Variants in ZFAT observed in about 807,000 individuals in gnomAD.
ZFAT encodes zinc finger and AT-hook domain containing, also known as zinc finger protein ZFAT.
ZFAT carries 64 observed loss-of-function variants against 117.7 expected under a neutral mutation model. The observed-to-expected ratio is 0.54, with a 90% CI of 0.44 to 0.67. The LOEUF (loss-of-function observed/expected upper bound fraction) is 0.67. ZFAT is among the 30% of genes least tolerant of loss of function. The pLI is 0.00. For synonymous variants in ZFAT, 679 were observed against 615.0 expected, an observed-to-expected ratio of 1.10 and a Z score of -1.54; for missense variants, 1,433 against 1,584.5, an observed-to-expected ratio of 0.90 and a Z score of 1.62.
intron 15 of ZFAT, among the ~76,000 whole-genome samples, chr8:134,485,184 C>A (rs534100821): frequency 1.2e-4 from 18 of 152,152 alleles, no homozygotes; most frequent in African/African-American, 3.4e-4. Flanking sequence ...CCCTGGGGGG[C>A]TCTGCCCACC....
chr8:134,651,185 T>C (rs1228182363), intron 2 of ZFAT, among the ~76,000 whole-genome samples: 2 of 152,130 alleles, frequency 1.3e-5, no homozygotes, highest in Admixed American at 1.3e-4. Flanking sequence ...CCTTGGTATA[T>C]ATCCAAGAGA....
At chr8:134,565,043 TC>T (rs1438766495) in intron 11 of ZFAT, 3 of 1,382,138 alleles carry the variant, frequency 2.2e-6, no homozygotes, top group Non-Finnish European at 2.9e-6. Context: ...CTGCAAGCCT[TC>T]CTCTAAATCA....
intron 11 of ZFAT, among the ~76,000 whole-genome samples, chr8:134,546,718 T>A (rs1563832630): frequency 6.6e-6 from 1 of 152,196 alleles, no homozygotes; most frequent in Admixed American, 6.5e-5. Context: ...AACCCCTAAT[T>A]GGCAGGGGTT....
At position 134,520,804 on chromosome 8, in the gene ZFAT, G is replaced by A. The variant is rs900477840; in HGVS notation, c.3234+79C>T. 1.9e-4 allele frequency: 199 copies of A among 1,050,238 alleles called. 1 individual carries two copies. In the East Asian group the frequency reaches 1.9e-3, roughly 10 times the overall value. 65.1% of individuals were successfully genotyped at this position (1,050,238 alleles called of 1,614,324 possible). The stretch of plus-strand genomic sequence containing the variant: ...CTAATGTTCTGAGGAATGATTGTCC[G>A]TGCCCAGTATTTGGGTTTGCCTGGT... On this transcript the variant is annotated intron_variant, in intron 13 of 15. Transcript: ENST00000377838.
At chr8:134,744,784 C>T in the ZFAT span, among the ~76,000 whole-genome samples, 1 of 126,966 alleles carries the variant, frequency 7.9e-6, no homozygotes, top group African/African-American at 3.1e-5. Context: ...GGCTGGAGTG[C>T]AGTGGCCTGA....
At chr8:134,705,364 C>A (rs1834120018) in intron 1 of ZFAT, among the ~76,000 whole-genome samples, 1 of 117,362 alleles carries the variant, frequency 8.5e-6, no homozygotes, top group South Asian at 3.4e-4. Context: ...CCATGCCCAG[C>A]TGGTTTTTTT....
chr8:134,690,409 G>A (rs1364100308), intron 1 of ZFAT, among the ~76,000 whole-genome samples: 2 of 152,200 alleles, frequency 1.3e-5, no homozygotes, highest in African/African-American at 4.8e-5. Flanking sequence ...CAGGGATCCT[G>A]AGGTCTTGAT....
intron 11 of ZFAT, among the ~76,000 whole-genome samples, chr8:134,550,659 G>C (rs184203156): frequency 1.3e-5 from 2 of 152,286 alleles, no homozygotes; most frequent in African/African-American, 4.8e-5. Context: ...TCTTAGACAG[G>C]ATTTTAATTT....
At chr8:134,720,039 G>A in the ZFAT span, among the ~76,000 whole-genome samples, 2 of 152,210 alleles carry the variant, frequency 1.3e-5, no homozygotes, top group African/African-American at 2.4e-5. Flanking sequence ...TTGGACACTG[G>A]GTCTTTGGAA....
chr8:134,557,629 G>C (rs1306540009), intron 11 of ZFAT, among the ~76,000 whole-genome samples: 1 of 152,060 alleles, frequency 6.6e-6, no homozygotes, highest in Non-Finnish European at 1.5e-5. Context: ...GTCAATACAA[G>C]AGATAAAATG....
At chr8:134,663,789 A>G (rs1158814918) in intron 1 of ZFAT, among the ~76,000 whole-genome samples, 1 of 152,210 alleles carries the variant, frequency 6.6e-6, no homozygotes. Context: ...GAGTCTAAAT[A>G]ACATTTAAAA....
chr8:134,681,940 G>C (rs1833090433), intron 1 of ZFAT, among the ~76,000 whole-genome samples: 1 of 152,142 alleles, frequency 6.6e-6, no homozygotes, highest in South Asian at 2.1e-4. Context: ...TATATATTCA[G>C]GAAGAGACTC....
chr8:134,506,524 C>T (rs1586604926), intron 15 of ZFAT, among the ~76,000 whole-genome samples: 1 of 152,164 alleles, frequency 6.6e-6, no homozygotes, highest in Non-Finnish European at 1.5e-5. Context: ...GACCAAGAAG[C>T]AAACAGTTTT....
At chr8:134,649,904 A>T (rs984582065) in intron 2 of ZFAT, among the ~76,000 whole-genome samples, 2 of 151,992 alleles carry the variant, frequency 1.3e-5, no homozygotes, top group Non-Finnish European at 2.9e-5. Flanking sequence ...TCACTGGGGC[A>T]GTTTCCCCCA....
At chr8:134,518,039 G>A (rs1021314056) in intron 13 of ZFAT, among the ~76,000 whole-genome samples, 1 of 152,132 alleles carries the variant, frequency 6.6e-6, no homozygotes, top group African/African-American at 2.4e-5. Context: ...GATATTCAGA[G>A]TTTATGTGAA....
At chr8:134,712,529 G>A (rs936002601) in intron 1 of ZFAT, among the ~76,000 whole-genome samples, 6 of 152,006 alleles carry the variant, frequency 3.9e-5, no homozygotes, top group Non-Finnish European at 1.5e-5. Context: ...TTCGAACCTC[G>A]CGCCCACTGC....
chr8:134,583,792 A>G, intron 10 of ZFAT, 40 bp downstream of exon 10: 1 of 1,603,124 alleles, frequency 6.2e-7, no homozygotes, highest in Non-Finnish European at 8.5e-7. Flanking sequence ...TTCAAACCAC[A>G]CATTTAGAGG....
intron 11 of ZFAT, among the ~76,000 whole-genome samples, chr8:134,552,557 T>G (rs1823247266): frequency 6.6e-6 from 1 of 152,234 alleles, no homozygotes; most frequent in Non-Finnish European, 1.5e-5. Flanking sequence ...CAATTGCATT[T>G]AGAGATACAT....
intron 1 of ZFAT, among the ~76,000 whole-genome samples, chr8:134,658,703 C>G (rs1411468407): frequency 6.6e-6 from 1 of 152,170 alleles, no homozygotes; most frequent in East Asian, 1.9e-4. Flanking sequence ...GATTCAATAA[C>G]AATTAAAAGC....
Sources: gnomAD v4.1 joint callset for allele counts (sites outside exome capture counted in the v4.1 genomes callset) on GRCh38, gnomAD v4.1.1 for gene constraint, MANE v1.5 for transcripts, NCBI Gene and HGNC (gene_info 2026-07-23, HGNC 2026-07-21) for gene names.